Variants in WWOX observed in about 807,000 individuals in gnomAD.
The protein encoded by WWOX is WW domain-containing oxidoreductase.
A neutral mutation model predicts 46.2 loss-of-function variants in WWOX; 69 were observed. The observed-to-expected ratio is 1.49, with a 90% CI of 1.23 to 1.82. The LOEUF is 1.82. Among genes scored for constraint, WWOX ranks in the 40% most tolerant of loss-of-function variants. The probability of loss-of-function intolerance (pLI) is 0.00; values close to 1 mark genes in which losing one functional copy is unlikely to be tolerated. For synonymous variants in WWOX, 359 were observed against 202.6 expected, an observed-to-expected ratio of 1.77 and a Z score of -6.56; for missense variants, 919 against 542.6, an observed-to-expected ratio of 1.69 and a Z score of -6.89.
chr16:79,207,369 C>G (rs1358980173), intron 8 of WWOX, among the ~76,000 whole-genome samples: 1 of 152,240 alleles, frequency 6.6e-6, no homozygotes, highest in African/African-American at 2.4e-5. Context: ...CTTCAGATCA[C>G]CACTTTGTCC....
intron 8 of WWOX, among the ~76,000 whole-genome samples, chr16:78,640,303 A>T (rs1449630860): frequency 7.7e-6 from 1 of 129,178 alleles, no homozygotes; most frequent in African/African-American, 3.0e-5. Context: ...TATTGAAGGA[A>T]TGTTTCACTT....
At chr16:78,719,461 A>G (rs961681069) in intron 8 of WWOX, among the ~76,000 whole-genome samples, 3 of 152,258 alleles carry the variant, frequency 2.0e-5, no homozygotes, top group South Asian at 2.1e-4. Flanking sequence ...GTGCACTGAA[A>G]AAGTCGAGAA....
chr16:78,201,295 G>C (rs920166433), intron 5 of WWOX, among the ~76,000 whole-genome samples: 1 of 152,156 alleles, frequency 6.6e-6, no homozygotes, highest in Non-Finnish European at 1.5e-5. Context: ...ATTATGTGGG[G>C]AATGTGGAAA....
chr16:78,822,626 C>T (rs1251986543), intron 8 of WWOX, among the ~76,000 whole-genome samples: 2 of 152,112 alleles, frequency 1.3e-5, no homozygotes, highest in Admixed American at 1.3e-4. Context: ...CCAGTGGTCA[C>T]GTGTTCCTAA....
chr16:78,697,305 A>G (rs757295084), intron 8 of WWOX, among the ~76,000 whole-genome samples: 8 of 152,148 alleles, frequency 5.3e-5, no homozygotes, highest in Non-Finnish European at 8.8e-5. Context: ...TTCCCTGCTC[A>G]CCGCATTCAC....
chr16:78,375,660 C>T (rs776264829), intron 5 of WWOX, among the ~76,000 whole-genome samples: 12 of 152,054 alleles, frequency 7.9e-5, no homozygotes, highest in African/African-American at 2.9e-4. Context: ...AAAAAGCTAT[C>T]AAAATTTAAA....
intron 8 of WWOX, among the ~76,000 whole-genome samples, chr16:78,921,074 C>T (rs1477899053): frequency 6.6e-6 from 1 of 152,008 alleles, no homozygotes; most frequent in Non-Finnish European, 1.5e-5. Context: ...GTGCTTATCT[C>T]TACATTACAC....
intron 8 of WWOX, among the ~76,000 whole-genome samples, chr16:78,705,206 C>A (rs143793948): frequency 9.9e-5 from 15 of 152,206 alleles, no homozygotes; most frequent in Non-Finnish European, 1.3e-4. Flanking sequence ...GTCTGACGGC[C>A]GCTAAAAATG....
At chr16:78,990,615 G>T (rs145917497) in intron 8 of WWOX, among the ~76,000 whole-genome samples, 3 of 152,044 alleles carry the variant, frequency 2.0e-5, no homozygotes, top group African/African-American at 7.2e-5. Context: ...ATGGTAGAGC[G>T]AACAGGCCAG....
At chr16:78,361,614 T>A (rs1054814843) in intron 5 of WWOX, among the ~76,000 whole-genome samples, 3 of 152,094 alleles carry the variant, frequency 2.0e-5, no homozygotes, top group African/African-American at 7.2e-5. Context: ...TTCTTTCTTT[T>A]CTTTTCTTTT....
Position 78,691,729 on chromosome 16 carries a change from G to A in WWOX, c.1056+258977G>A, listed in dbSNP as rs189037708. Among the ~76,000 whole-genome samples, 56 of 152,114 alleles carry A rather than the reference G, an allele frequency of 3.7e-4. No individual in the cohort carries two copies. In the East Asian group the frequency reaches 8.3e-3, roughly 23 times the overall value. The stretch of plus-strand genomic sequence containing the variant: ...TCTCCAAAAGGAAAAAAATAATAAA[G>A]CACTGTCTCTCTCTACCCTTGCAGT... On this transcript the variant is annotated intron_variant, in intron 8 of 8. Transcript: ENST00000566780.
intron 5 of WWOX, among the ~76,000 whole-genome samples, chr16:78,298,481 G>A (rs571507621): frequency 6.6e-6 from 1 of 152,248 alleles, no homozygotes; most frequent in East Asian, 1.9e-4. Flanking sequence ...GTTTTCTCCT[G>A]TAAATTGGGA....
chr16:78,574,687 T>G (rs997503018), intron 8 of WWOX, among the ~76,000 whole-genome samples: 4 of 151,692 alleles, frequency 2.6e-5, no homozygotes, highest in African/African-American at 9.7e-5. Flanking sequence ...TTAAGTCAAA[T>G]AAGCCAGACA....
chr16:78,730,534 C>G (rs763055594), intron 8 of WWOX, among the ~76,000 whole-genome samples: 50 of 152,076 alleles, frequency 3.3e-4, no homozygotes, highest in Non-Finnish European at 6.2e-4. Flanking sequence ...TCACTGCAGC[C>G]TCAACCGCCT....
chr16:79,104,539 A>T (rs1033905417), intron 8 of WWOX, among the ~76,000 whole-genome samples: 1 of 152,226 alleles, frequency 6.6e-6, no homozygotes, highest in East Asian at 1.9e-4. Context: ...TTAGTTGACA[A>T]CTTGACATCA....
intron 5 of WWOX, among the ~76,000 whole-genome samples, chr16:78,372,491 G>C (rs933303958): frequency 6.6e-6 from 1 of 152,174 alleles, no homozygotes; most frequent in Non-Finnish European, 1.5e-5. Flanking sequence ...TCACGCTGGG[G>C]AGGTAAAGAA....
chr16:78,605,318 G>T (rs1597336916), intron 8 of WWOX, among the ~76,000 whole-genome samples: 1 of 151,246 alleles, frequency 6.6e-6, no homozygotes. Context: ...GCTCAGGCAT[G>T]TCTTATATAA....
intron 8 of WWOX, among the ~76,000 whole-genome samples, chr16:78,624,803 C>T (rs368035458): frequency 2.6e-5 from 4 of 152,258 alleles, no homozygotes; most frequent in South Asian, 4.2e-4. Context: ...GGTATTATTC[C>T]CTGTACGATT....
At chr16:78,380,338 G>A (rs1378775473) in intron 5 of WWOX, among the ~76,000 whole-genome samples, 7 of 152,146 alleles carry the variant, frequency 4.6e-5, no homozygotes, top group Non-Finnish European at 1.0e-4. Flanking sequence ...ATCTTGATGC[G>A]GCTGTGCATG....
Sources: allele counts gnomAD v4.1 joint callset (sites outside exome capture counted in the v4.1 genomes callset), GRCh38; gene constraint gnomAD v4.1.1; transcripts MANE v1.5; gene names NCBI Gene and HGNC (gene_info 2026-07-23, HGNC 2026-07-21).